RAB11FIP4: variants seen among roughly 807,000 people sequenced by gnomAD.
RAB11FIP4 encodes rab11 family-interacting protein 4.
Under a neutral mutation model 74.3 loss-of-function variants are expected in RAB11FIP4, and 23 were observed. The ratio of observed to expected loss-of-function variants is 0.31; its 90% CI spans 0.22 to 0.44. The LOEUF is 0.44. Among genes scored for constraint, RAB11FIP4 ranks in the 20% least tolerant of loss-of-function variants. RAB11FIP4 has a pLI of 1.00. For synonymous variants in RAB11FIP4, 360 were observed against 359.9 expected (o/e 1.00, Z 0.00); for missense variants, 630 against 863.9 (o/e 0.73, Z 3.39).
chr17:31,513,240 A>G (rs1353428192), intron 3 of RAB11FIP4, among the ~76,000 whole-genome samples: 5 of 152,198 alleles, frequency 3.3e-5, no homozygotes, highest in Admixed American at 3.3e-4. Context: ...TGTGACCCCC[A>G]GGCCATCTGG....
intron 3 of RAB11FIP4, among the ~76,000 whole-genome samples, chr17:31,499,418 C>T (rs1042379257): frequency 6.6e-6 from 1 of 152,048 alleles, no homozygotes; most frequent in African/African-American, 2.4e-5. Flanking sequence ...TACAGTGGCA[C>T]AGTCTCAGCT....
intron 3 of RAB11FIP4, among the ~76,000 whole-genome samples, chr17:31,496,982 C>T (rs1184006890): frequency 6.6e-6 from 1 of 152,222 alleles, no homozygotes; most frequent in Non-Finnish European, 1.5e-5. Flanking sequence ...CCTGTGTATT[C>T]TCATCTAAAT....
At position 31,521,752 on chromosome 17, in the gene RAB11FIP4, G is replaced by T. The variant is rs543215303; in HGVS notation, c.759-163G>T. On this transcript the variant is annotated intron_variant, in intron 5 of 14. Coordinates refer to ENST00000621161, the MANE Select transcript of RAB11FIP4 (RefSeq NM_032932.6). The stretch of plus-strand genomic sequence containing the variant: ...GCCTCACTGGCTTCTCTTTGAGCGT[G>T]TTGGAGAAGGGATGATCTGTTGCTA... 1.6e-3 allele frequency: 1,226 copies of T among 757,526 alleles called. 3 individuals are homozygous for T. Among genetic ancestry groups the T allele is most frequent in the Non-Finnish European group, 2.0e-3 (973 of 476,968 alleles). The allele number at this position is 757,526 out of a possible 1,614,324, so 46.9% of individuals were successfully genotyped here.
intron 3 of RAB11FIP4, among the ~76,000 whole-genome samples, chr17:31,502,182 C>T (rs1306349372): frequency 6.6e-6 from 1 of 150,656 alleles, no homozygotes; most frequent in Non-Finnish European, 1.5e-5. Context: ...TGAGATGGTG[C>T]CATCGCACTC....
intron 1 of RAB11FIP4, among the ~76,000 whole-genome samples, chr17:31,409,953 A>G (rs1000679601): frequency 6.6e-6 from 1 of 152,032 alleles, no homozygotes; most frequent in African/African-American, 2.4e-5. Flanking sequence ...GTGATCAAGG[A>G]CTCAGTGTCT....
Position 31,533,379 on chromosome 17 carries a change from A to C in RAB11FIP4, c.*1647A>C, listed in dbSNP as rs967563990. ...GACTTTGGAGCCACCCACACTGGGA[A>C]GACTAGGCTAGGCAGTCGGTCTTCT... On this transcript the variant is annotated 3_prime_UTR_variant, in exon 15 of 15. Transcript: ENST00000621161. The C allele has an allele frequency of 6.6e-6, 1 of 152,264 alleles. No homozygotes were observed. The highest frequency in any genetic ancestry group is 6.5e-5 in the Admixed American group (1 of 15,286). The allele number at this position is 152,264 out of a possible 1,614,324, so 9.4% of individuals were successfully genotyped here. A position where few individuals can be genotyped will look rare whatever the true frequency, so the allele number is the denominator to read the frequency against.
intron 3 of RAB11FIP4, among the ~76,000 whole-genome samples, chr17:31,470,018 G>A (rs1415212629): frequency 1.3e-5 from 2 of 152,218 alleles, no homozygotes; most frequent in Non-Finnish European, 2.9e-5. Flanking sequence ...CCATGTGCCT[G>A]ACACAGAGCA....
intron 1 of RAB11FIP4, among the ~76,000 whole-genome samples, chr17:31,418,120 G>C (rs2071165398): frequency 6.6e-6 from 1 of 152,158 alleles, no homozygotes; most frequent in African/African-American, 2.4e-5. Flanking sequence ...AGGCGTAGTG[G>C]CTCATGCCTG....
chr17:31,440,346 T>A (rs1402364896), intron 3 of RAB11FIP4, among the ~76,000 whole-genome samples: 1 of 152,386 alleles, frequency 6.6e-6, no homozygotes, highest in African/African-American at 2.4e-5. Flanking sequence ...CGTAGGTCTC[T>A]TTCTGGACTC....
intron 3 of RAB11FIP4, chr17:31,465,533 C>T (rs2142722492): frequency 7.7e-6 from 1 of 129,218 alleles, no homozygotes; most frequent in Non-Finnish European, 1.7e-5. Context: ...AAAAAAGAAC[C>T]CCAGCCCCTG....
At chr17:31,513,802 A>G (rs1288245550) in intron 3 of RAB11FIP4, among the ~76,000 whole-genome samples, 1 of 152,160 alleles carries the variant, frequency 6.6e-6, no homozygotes, top group Non-Finnish European at 1.5e-5. Flanking sequence ...GTGTGTGCGC[A>G]TGTGTGGCCA....
intron 3 of RAB11FIP4, among the ~76,000 whole-genome samples, chr17:31,442,463 G>A (rs2071415318): frequency 6.6e-6 from 1 of 152,188 alleles, no homozygotes; most frequent in Admixed American, 6.5e-5. Context: ...GCTTGTTATT[G>A]TAAATAAAGT....
At position 31,451,331 on chromosome 17, in the gene RAB11FIP4, C is replaced by T. The variant is rs540900275; in HGVS notation, c.336+17209C>T. Among the ~76,000 whole-genome samples, 39 of 151,932 alleles carry T rather than the reference C, an allele frequency of 2.6e-4. No individual in the cohort carries two copies. In the East Asian group the frequency reaches 6.8e-3, roughly 26 times the overall value. Reference sequence around the variant, plus strand: ...AAAATTAGCTGGCCATGGTGGCAGGCGCCTGTAATCCCAGCTACTCAGGAG... The same window carrying T: ...AAAATTAGCTGGCCATGGTGGCAGGTGCCTGTAATCCCAGCTACTCAGGAG... On this transcript the variant is annotated intron_variant, in intron 3 of 14. Transcript: ENST00000621161.
At chr17:31,500,518 G>A (rs2072198277) in intron 3 of RAB11FIP4, among the ~76,000 whole-genome samples, 1 of 152,250 alleles carries the variant, frequency 6.6e-6, no homozygotes, top group Non-Finnish European at 1.5e-5. Flanking sequence ...GGCTCCTTGT[G>A]TGAGGGCCTG....
rs563200601 is a variant in RAB11FIP4, at chr17:31,489,668, G to T, written c.337-27983G>T. 1.1e-3 allele frequency among the ~76,000 whole-genome samples: 174 copies of T among 152,324 alleles called. 1 individual carries two copies. The highest frequency in any genetic ancestry group is 9.0e-4 in the Non-Finnish European group (61 of 68,046). ...ACTGGGTCTGCTCTGGGCCTGCCCA[G>T]CTCTTCTAAGTTGATTGCAAGTTGC... is the stretch of plus-strand genomic sequence containing the variant. On this transcript the variant is annotated intron_variant, in intron 3 of 14. Transcript: ENST00000621161.
intron 3 of RAB11FIP4, among the ~76,000 whole-genome samples, chr17:31,479,869 C>T (rs1390166937): frequency 1.3e-5 from 2 of 152,206 alleles, no homozygotes; most frequent in Admixed American, 6.5e-5. Flanking sequence ...CTCTCTCGGC[C>T]TGTTTCCCAT....
At chr17:31,422,876 C>T (rs932436284) in intron 1 of RAB11FIP4, among the ~76,000 whole-genome samples, 1 of 150,026 alleles carries the variant, frequency 6.7e-6, no homozygotes, top group African/African-American at 2.4e-5. Flanking sequence ...ATAATGGCAA[C>T]ATCTGGGTCA....
intron 1 of RAB11FIP4, among the ~76,000 whole-genome samples, chr17:31,428,443 C>T (rs1056928764): frequency 6.6e-6 from 1 of 152,232 alleles, no homozygotes; most frequent in Non-Finnish European, 1.5e-5. Flanking sequence ...CTGCAGGCCC[C>T]GGGTGCCCTC....
chr17:31,451,110 G>C (rs990134137), intron 3 of RAB11FIP4, among the ~76,000 whole-genome samples: 1 of 152,156 alleles, frequency 6.6e-6, no homozygotes, highest in African/African-American at 2.4e-5. Context: ...CCGATGGCCT[G>C]CATTCTCTCT....
Sources: allele counts gnomAD v4.1 joint callset (sites outside exome capture counted in the v4.1 genomes callset), GRCh38; gene constraint gnomAD v4.1.1; transcripts MANE v1.5; gene names NCBI Gene and HGNC (gene_info 2026-07-23, HGNC 2026-07-21).